Variants in ERICH1 observed in about 807,000 individuals in gnomAD.
ERICH1 encodes the protein glutamate-rich protein 1.
In ERICH1, 56 loss-of-function variants were observed where a neutral mutation model predicts 39.6. The observed-to-expected ratio is 1.41, with a 90% CI of 1.14 to 1.77. The LOEUF (loss-of-function observed/expected upper bound fraction) is 1.77. ERICH1 is among the 40% of genes most tolerant of loss of function. The pLI is 0.00. For synonymous variants in ERICH1, 313 were observed against 223.6 expected, an observed-to-expected ratio of 1.40 and a Z score of -3.57; for missense variants, 826 against 575.4, an observed-to-expected ratio of 1.44 and a Z score of -4.45.
At chr8:637,902 G>A (rs891528975) in intron 3 of ERICH1, among the ~76,000 whole-genome samples, 2 of 152,256 alleles carry the variant, frequency 1.3e-5, no homozygotes, top group Non-Finnish European at 2.9e-5. Flanking sequence ...GGCCACTGCA[G>A]GCAGCCGAAC....
In ERICH1 at chr8:716,177, ACT is replaced by A. The variant is rs1251702974; in HGVS notation, c.23-172_23-171del. On this transcript the variant is annotated intron_variant, in intron 1 of 5. Transcript: ENST00000262109. ...GGCACTGCACACCAGGATCCCCCAG[ACT>A]CTGCCCGCAGAGGAACCCTTGAGGC... 3.3e-5 allele frequency among the ~76,000 whole-genome samples: 5 copies of A among 152,090 alleles called. No homozygotes were observed. The East Asian group carries it at 9.7e-4, about 29-fold the overall frequency.
chr8:688,455 G>T (rs1585322112), intron 3 of ERICH1, among the ~76,000 whole-genome samples: 1 of 151,722 alleles, frequency 6.6e-6, no homozygotes, highest in South Asian at 2.1e-4. Flanking sequence ...TGTAGGCCAG[G>T]CTCACAAAGG....
chr8:637,773 T>A (rs1324009434), intron 3 of ERICH1, among the ~76,000 whole-genome samples: 1 of 152,082 alleles, frequency 6.6e-6, no homozygotes, highest in Non-Finnish European at 1.5e-5. Flanking sequence ...GCTGCTCAGT[T>A]GGGGAGTGGA....
rs374056507 is a variant in ERICH1 at position 692,583 on chromosome 8, G to A, written c.199C>T (p.Arg67Trp). The change falls in exon 3 of 6, where the codon CGG becomes TGG. Residue 67 changes from arginine (R) to tryptophan (W), a missense_variant. Physicochemically the swap from Arg to Trp is moderately radical, Grantham distance 101 (BLOSUM62 -3). Coordinates refer to ENST00000262109, the MANE Select transcript of ERICH1 (RefSeq NM_207332.3). ...GGAGGCCCGCTGGCAGTGTAGAGCC[G>A]TCGGGCAGTCGGGGTCTCAGAGCCA... Reference protein sequence around the residue: ...DTGSETPTARRLYTASGPPEG... With the variant: ...DTGSETPTARWLYTASGPPEG... 4.0e-5 allele frequency: 64 copies of A among 1,604,382 alleles called. No homozygotes were observed. Among genetic ancestry groups the A allele is most frequent in the East Asian group, 9.1e-5 (4 of 44,176 alleles).
At chr8:720,003 C>T (rs923894199) in intron 1 of ERICH1, among the ~76,000 whole-genome samples, 1 of 152,014 alleles carries the variant, frequency 6.6e-6, no homozygotes, top group African/African-American at 2.4e-5. Flanking sequence ...TCTGCCTAGG[C>T]CTGGAACCAG....
chr8:704,009 G>C (rs1812728342), intron 2 of ERICH1, among the ~76,000 whole-genome samples: 1 of 152,164 alleles, frequency 6.6e-6, no homozygotes, highest in Non-Finnish European at 1.5e-5. Context: ...TCCTAAGGGA[G>C]GAAAACTGCT....
At position 692,601 on chromosome 8, in the gene ERICH1, C is replaced by G; in HGVS notation, c.181G>C (p.Glu61Gln). ...HAEPLTDTGS[E>Q]TPTARRLYTA... ...TAGAGCCGTCGGGCAGTCGGGGTCT[C>G]AGAGCCAGTGTCTGCAACACAGGAG... The change falls in exon 3 of 6, where the codon GAG becomes CAG. Residue 61 changes from glutamate (E) to glutamine (Q), a missense_variant. Glu to Gln is a conservative substitution (Grantham distance 29). Transcript: ENST00000262109. 1 of 1,599,708 alleles carries G rather than the reference C, an allele frequency of 6.3e-7. No individual in the cohort carries two copies.
chr8:615,142 C>T (rs1796846668), exon 4 of ERICH1: 3 of 620,656 alleles, frequency 4.8e-6, no homozygotes, highest in South Asian at 3.9e-5. Context: ...CGGTCCACTG[C>T]TTAAAAAGTT....
chr8:668,494 T>C (rs746172135), intron 5 of ERICH1, 104 bp downstream of exon 5: 1 of 1,198,806 alleles, frequency 8.3e-7, no homozygotes, highest in Non-Finnish European at 1.2e-6. Flanking sequence ...TGCAGTGTCA[T>C]ATTTTCCAAC....
At chr8:685,425 C>T (rs976237885) in intron 3 of ERICH1, among the ~76,000 whole-genome samples, 5 of 152,120 alleles carry the variant, frequency 3.3e-5, no homozygotes, top group Non-Finnish European at 4.4e-5. Flanking sequence ...GTGCAGTTAA[C>T]GCAACCATCA....
intron 3 of ERICH1, chr8:615,709 T>C (rs1381525379): frequency 6.4e-6 from 1 of 156,430 alleles, no homozygotes; most frequent in Non-Finnish European, 1.4e-5. Flanking sequence ...ACAACATTCT[T>C]ATTGCTTGGA....
In ERICH1 at chr8:678,605, T is replaced by C. The variant is rs1448304643; in HGVS notation, c.305-4558A>G. Among the ~76,000 whole-genome samples the C allele has an allele frequency of 2.0e-5, 3 of 152,200 alleles. 1 individual carries two copies. The highest frequency in any genetic ancestry group is 2.0e-4 in the Admixed American group (3 of 15,298). Reference sequence around the variant, plus strand: ...CGGGCGGATCACGAGGTCAGGAGATTGAGACCATCCTGGCTAACACGGTGA... The same window carrying C: ...CGGGCGGATCACGAGGTCAGGAGATCGAGACCATCCTGGCTAACACGGTGA... On this transcript the variant is annotated intron_variant, in intron 3 of 5. Coordinates refer to ENST00000262109, the MANE Select transcript of ERICH1 (RefSeq NM_207332.3).
chr8:683,417 G>A (rs1806577618), intron 3 of ERICH1, among the ~76,000 whole-genome samples: 1 of 152,194 alleles, frequency 6.6e-6, no homozygotes, highest in Admixed American at 6.5e-5. Context: ...ACCCCTCCAG[G>A]GTCAGCCGTG....
At chr8:670,149 T>C (rs1434731774) in intron 4 of ERICH1, among the ~76,000 whole-genome samples, 16 of 152,222 alleles carry the variant, frequency 1.1e-4, no homozygotes, top group Admixed American at 1.0e-3. Context: ...CAACTCTCAT[T>C]TGCTGTTTCC....
chr8:628,205 G>C (rs769529841), intron 3 of ERICH1, among the ~76,000 whole-genome samples: 3 of 152,232 alleles, frequency 2.0e-5, no homozygotes, highest in African/African-American at 4.8e-5. Flanking sequence ...GAAACTACTT[G>C]ATGTTATCTG....
In ERICH1 at chr8:673,688, C is replaced by G. The variant is rs540464491; in HGVS notation, c.664G>C (p.Gly222Arg). ...DTSEEDPTLA[G>R]EEDVKDTREE... is the part of the protein sequence containing the mutation. ...CTGGTATCTTTAACGTCTTCCTCCCCGGCCAGTGTCGGGTCTTCCTCGCTG... is the reference window on the plus strand; with the variant it reads ...CTGGTATCTTTAACGTCTTCCTCCCGGGCCAGTGTCGGGTCTTCCTCGCTG... The change falls in exon 4 of 6, where the codon GGG (glycine) becomes CGG (arginine). Residue 222 changes from glycine (G) to arginine (R), a missense_variant. Physicochemically the swap from Gly to Arg is moderately radical, Grantham distance 125. Coordinates refer to ENST00000262109, the MANE Select transcript of ERICH1 (RefSeq NM_207332.3). 28 of 1,613,816 alleles carry G rather than the reference C, an allele frequency of 1.7e-5. No homozygotes were observed. Among genetic ancestry groups the G allele is most frequent in the South Asian group, 1.5e-4 (14 of 91,066 alleles).
chr8:699,770 C>A, intron 2 of ERICH1, among the ~76,000 whole-genome samples: 1 of 99,314 alleles, frequency 1.0e-5, no homozygotes, highest in African/African-American at 3.5e-5. Context: ...CACACAGCCG[C>A]ACAGACCCGC....
chr8:708,920 C>A (rs1814075817), intron 2 of ERICH1, among the ~76,000 whole-genome samples: 1 of 151,770 alleles, frequency 6.6e-6, no homozygotes, highest in Non-Finnish European at 1.5e-5. Context: ...GTCTCCAACT[C>A]CTAAGCTCAA....
intron 3 of ERICH1, among the ~76,000 whole-genome samples, chr8:621,499 A>T (rs1051733162): frequency 1.3e-5 from 2 of 151,736 alleles, no homozygotes; most frequent in African/African-American, 4.8e-5. Flanking sequence ...GTTAATAAAA[A>T]TTTTTTAAAT....
Sources: gnomAD v4.1 joint callset for allele counts (sites outside exome capture counted in the v4.1 genomes callset) on GRCh38, gnomAD v4.1.1 for gene constraint, MANE v1.5 for transcripts, NCBI Gene and HGNC (gene_info 2026-07-23, HGNC 2026-07-21) for gene names.